The following KCNIP4 variants were observed in gnomAD, a reference collection of about 807,000 sequenced individuals.
KCNIP4 encodes Kv channel-interacting protein 4.
In KCNIP4, 12 loss-of-function variants were observed where a neutral mutation model predicts 34.0. The observed-to-expected ratio is 0.35, with a 90% confidence interval of 0.23 to 0.57. KCNIP4 has a LOEUF of 0.57. Ranked by LOEUF, KCNIP4 falls within the 20% of genes least tolerant of loss-of-function variation. The pLI, the probability that KCNIP4 is intolerant of heterozygous loss-of-function variation, is 0.83. For missense variants in KCNIP4, 238 were observed against 311.7 expected (o/e 0.76, Z 1.78); for synonymous variants, 124 against 102.2 (o/e 1.21, Z -1.29).
chr4:20,905,694 T>A, intron 1 of KCNIP4, among the ~76,000 whole-genome samples: 1 of 151,406 alleles, frequency 6.6e-6, no homozygotes, highest in Admixed American at 6.6e-5. Flanking sequence ...GAAATTTTTT[T>A]TTTTTAAAGT....
At chr4:20,831,822 C>T (rs1718461380) in intron 3 of KCNIP4, among the ~76,000 whole-genome samples, 1 of 152,170 alleles carries the variant, frequency 6.6e-6, no homozygotes. Flanking sequence ...GATTCTGCTG[C>T]TGACAAGCAG....
chr4:21,007,115 A>T (rs1185361460), intron 1 of KCNIP4, among the ~76,000 whole-genome samples: 1 of 152,212 alleles, frequency 6.6e-6, no homozygotes, highest in Non-Finnish European at 1.5e-5. Flanking sequence ...ACTTTAAAAA[A>T]ATACCCTTGA....
At chr4:21,451,938 A>G (rs1728537863) in intron 1 of KCNIP4, among the ~76,000 whole-genome samples, 1 of 152,146 alleles carries the variant, frequency 6.6e-6, no homozygotes, top group African/African-American at 2.4e-5. Context: ...GGAGATTCTC[A>G]TTCATTTAAA....
At chr4:21,443,134 C>A (rs562077869) in intron 1 of KCNIP4, among the ~76,000 whole-genome samples, 1 of 152,300 alleles carries the variant, frequency 6.6e-6, no homozygotes, top group Non-Finnish European at 1.5e-5. Context: ...CTTATCCAAA[C>A]CCCACTCTCT....
At chr4:20,955,064 G>T (rs1354665760) in intron 1 of KCNIP4, among the ~76,000 whole-genome samples, 1 of 152,160 alleles carries the variant, frequency 6.6e-6, no homozygotes, top group East Asian at 1.9e-4. Flanking sequence ...AGGAAGCATA[G>T]TTCTGTGATT....
chr4:21,833,462 T>G (rs1330004713), intron 1 of KCNIP4, among the ~76,000 whole-genome samples: 4 of 152,304 alleles, frequency 2.6e-5, no homozygotes, highest in East Asian at 1.9e-4. Flanking sequence ...TGTAAATTTG[T>G]TTGAGTTCAT....
intron 1 of KCNIP4, among the ~76,000 whole-genome samples, chr4:21,063,770 GA>G (rs1458660218): frequency 1.3e-5 from 2 of 152,056 alleles, no homozygotes; most frequent in South Asian, 2.1e-4. Flanking sequence ...ATACCAGTGG[GA>G]AAAAAATAGA....
chr4:21,285,597 G>A (rs2109185924), intron 1 of KCNIP4, among the ~76,000 whole-genome samples: 1 of 152,234 alleles, frequency 6.6e-6, no homozygotes, highest in Non-Finnish European at 1.5e-5. Context: ...GGGAGGCTGA[G>A]GTGGGTGGAT....
chr4:21,815,527 T>A (rs1398733508), intron 1 of KCNIP4, among the ~76,000 whole-genome samples: 2 of 151,256 alleles, frequency 1.3e-5, no homozygotes, highest in African/African-American at 4.9e-5. Context: ...TCAAACAAGA[T>A]AAAAGGAAAA....
chr4:21,107,858 A>C (rs1330268494), intron 1 of KCNIP4, among the ~76,000 whole-genome samples: 7 of 151,158 alleles, frequency 4.6e-5, no homozygotes, highest in African/African-American at 9.9e-5. Context: ...TTCACTTATG[A>C]AGCTTAGTTT....
chr4:20,730,098 A>G lies in KCNIP4; in HGVS notation c.737T>C (p.Phe246Ser). The G allele has an allele frequency of 1.9e-6, 3 of 1,608,880 alleles. No homozygotes were observed. Among genetic ancestry groups the G allele is most frequent in the Non-Finnish European group, 2.5e-6 (3 of 1,178,298 alleles). Residue 246 changes from phenylalanine (F) to serine (S), a missense_variant, in exon 9 of 9, where the codon TTT becomes TCT. Coordinates refer to ENST00000382152, the MANE Select transcript of KCNIP4 (RefSeq NM_025221.6). ...DENIMRSMQL[F>S]ENVI ...TTTGACAAGTTAAATCACATTTTCA[A>G]AGAGCTGCATGGAGCGCATTATGTT...
At chr4:21,917,798 A>C (rs1466998621) in intron 1 of KCNIP4, among the ~76,000 whole-genome samples, 3 of 152,328 alleles carry the variant, frequency 2.0e-5, no homozygotes, top group Middle Eastern at 6.8e-3. Context: ...AAAATAAAAG[A>C]AGGTTGCAAT....
Position 20,909,194 on chromosome 4 carries a change from G to A in KCNIP4, c.62-26485C>T, listed in dbSNP as rs1728091320. Among the ~76,000 whole-genome samples the A allele has an allele frequency of 2.0e-5, 3 of 152,264 alleles. No homozygotes were observed. In the South Asian group the frequency reaches 6.2e-4, roughly 32 times the overall value. On this transcript the variant is annotated intron_variant, in intron 1 of 8. Coordinates refer to ENST00000382152, the MANE Select transcript of KCNIP4 (RefSeq NM_025221.6). ...GAAAATCATATATGAAATTGTTACT[G>A]GTGGTTGCCTTTGGAATGCAGGAGT...
intron 1 of KCNIP4, among the ~76,000 whole-genome samples, chr4:21,769,508 T>G (rs562987638): frequency 6.6e-6 from 1 of 152,268 alleles, no homozygotes; most frequent in Admixed American, 6.5e-5. Flanking sequence ...GGTTTTATGT[T>G]TAGAAATAAC....
chr4:21,596,135 G>T (rs1157868438), intron 1 of KCNIP4, among the ~76,000 whole-genome samples: 1 of 151,906 alleles, frequency 6.6e-6, no homozygotes, highest in African/African-American at 2.4e-5. Flanking sequence ...TTAACACAAT[G>T]GTCTGTATCT....
chr4:21,378,143 A>G (rs1010060330), intron 1 of KCNIP4, among the ~76,000 whole-genome samples: 1 of 152,206 alleles, frequency 6.6e-6, no homozygotes, highest in African/African-American at 2.4e-5. Flanking sequence ...CCAGTCTCTC[A>G]GTCAATCATC....
At chr4:21,048,448 T>A (rs774723533) in intron 1 of KCNIP4, among the ~76,000 whole-genome samples, 2 of 152,236 alleles carry the variant, frequency 1.3e-5, no homozygotes, top group Non-Finnish European at 2.9e-5. Flanking sequence ...GGAATGCAGA[T>A]GAGCATATGT....
At chr4:20,880,696 G>A (rs1047364875) in intron 2 of KCNIP4, among the ~76,000 whole-genome samples, 1 of 152,128 alleles carries the variant, frequency 6.6e-6, no homozygotes, top group Non-Finnish European at 1.5e-5. Context: ...TATATTTTCA[G>A]CAAATATCTA....
At chr4:20,814,409 C>T (rs1716137355) in intron 3 of KCNIP4, among the ~76,000 whole-genome samples, 1 of 152,110 alleles carries the variant, frequency 6.6e-6, no homozygotes, top group African/African-American at 2.4e-5. Context: ...CATTGCTGTG[C>T]CCACTGAAGC....
Sources: gnomAD v4.1 joint callset for allele counts (sites outside exome capture counted in the v4.1 genomes callset) on GRCh38, gnomAD v4.1.1 for gene constraint, MANE v1.5 for transcripts, NCBI Gene and HGNC (gene_info 2026-07-23, HGNC 2026-07-21) for gene names.